The following TAFA1 variants were observed in gnomAD, a reference collection of about 807,000 sequenced individuals.
The protein encoded by TAFA1 is TAFA chemokine like family member 1.
TAFA1 carries 4 observed loss-of-function variants against 18.5 expected under a neutral mutation model. The observed-to-expected ratio is 0.22, with a 90% CI of 0.11 to 0.49. The LOEUF is 0.49. Ranked by LOEUF, TAFA1 falls within the 20% of genes least tolerant of loss-of-function variation. TAFA1 has a pLI of 0.98. For missense variants in TAFA1, 147 were observed against 169.0 expected, an observed-to-expected ratio of 0.87 and a Z score of 0.72; for synonymous variants, 56 against 55.2, an observed-to-expected ratio of 1.01 and a Z score of -0.06.
At chr3:68,154,245 A>C (rs1239974059) in intron 2 of TAFA1, among the ~76,000 whole-genome samples, 1 of 152,178 alleles carries the variant, frequency 6.6e-6, no homozygotes, top group Admixed American at 6.5e-5. Context: ...AGCATGGCAC[A>C]TCACCTGAAG....
intron 3 of TAFA1, among the ~76,000 whole-genome samples, chr3:68,457,550 A>C (rs971768623): frequency 1.3e-5 from 2 of 152,180 alleles, no homozygotes; most frequent in African/African-American, 4.8e-5. Context: ...GGCCAACTGT[A>C]TATCAACTAC....
chr3:68,130,880 A>G (rs2065527860), intron 2 of TAFA1, among the ~76,000 whole-genome samples: 1 of 152,054 alleles, frequency 6.6e-6, no homozygotes. Context: ...CTCCCTGGCT[A>G]GAGTCTTCTT....
intron 2 of TAFA1, among the ~76,000 whole-genome samples, chr3:68,326,622 T>C (rs994553): frequency 0.2 from 30,522 of 152,022 alleles, 3,336 homozygotes; most frequent in East Asian, 0.38. Flanking sequence ...TATCAGAATT[T>C]GATATTTGAA....
At chr3:68,113,026 A>G (rs2065279263) in intron 2 of TAFA1, among the ~76,000 whole-genome samples, 1 of 152,182 alleles carries the variant, frequency 6.6e-6, no homozygotes, top group South Asian at 2.1e-4. Flanking sequence ...AATGTCGTGT[A>G]TCAGTAACTT....
intron 3 of TAFA1, 56 bp from the exon 4 acceptor site, chr3:68,538,700 A>C (rs2073315926): frequency 1.3e-6 from 2 of 1,588,330 alleles, no homozygotes; most frequent in African/African-American, 2.7e-5. Flanking sequence ...ACACAACGTC[A>C]GTGTTCAGGT....
In TAFA1 at chr3:68,423,702, G is replaced by A. The variant is rs1163113804; in HGVS notation, c.259+6282G>A. Among the ~76,000 whole-genome samples the A allele has an allele frequency of 4.0e-5, 6 of 151,478 alleles. No homozygotes were observed. The East Asian group carries it at 1.2e-3, about 29-fold the overall frequency. ...TCATTGTTTAAGGCATAGTGGGAGTGGTAAAATTTTCGTGCAGTTTTCTCT... is the reference window on the plus strand; with the variant it reads ...TCATTGTTTAAGGCATAGTGGGAGTAGTAAAATTTTCGTGCAGTTTTCTCT... On this transcript the variant is annotated intron_variant, in intron 3 of 4. Transcript: ENST00000478136.
At chr3:68,178,984 T>C (rs986775643) in intron 2 of TAFA1, among the ~76,000 whole-genome samples, 1 of 152,178 alleles carries the variant, frequency 6.6e-6, no homozygotes, top group Non-Finnish European at 1.5e-5. Flanking sequence ...GTGAATTCTG[T>C]GATAAACTCG....
intron 2 of TAFA1, among the ~76,000 whole-genome samples, chr3:68,300,547 T>C (rs1331486074): frequency 6.6e-6 from 1 of 152,180 alleles, no homozygotes; most frequent in East Asian, 1.9e-4. Flanking sequence ...AATGCTGGAA[T>C]GAAGTTATAC....
At chr3:68,277,642 A>G (rs973252330) in intron 2 of TAFA1, among the ~76,000 whole-genome samples, 6 of 152,206 alleles carry the variant, frequency 3.9e-5, no homozygotes, top group Non-Finnish European at 7.4e-5. Context: ...TAGAAAAAAT[A>G]GAACAAACTT....
At chr3:68,235,664 CAAGTATG>C (rs1362575862) in intron 2 of TAFA1, among the ~76,000 whole-genome samples, 22 of 152,156 alleles carry the variant, frequency 1.4e-4, no homozygotes, top group African/African-American at 5.1e-4. Flanking sequence ...CTCTGTAGAT[CAAGTATG>C]GCTGGCCAAT....
rs182356739 is a variant in TAFA1 at position 68,538,503 on chromosome 3, T to C, written c.260-253T>C. Among the ~76,000 whole-genome samples the C allele has an allele frequency of 7.4e-4, 112 of 152,322 alleles. 1 individual carries two copies. The South Asian group carries it at 0.016, about 22-fold the overall frequency. Reference sequence around the variant, plus strand: ...CTATGTTAGGTTTCTCTTACTGTCATAATTTTGAAAAGGCAGTCTCAATCC... The same window carrying C: ...CTATGTTAGGTTTCTCTTACTGTCACAATTTTGAAAAGGCAGTCTCAATCC... On this transcript the variant is annotated intron_variant, in intron 3 of 4. Transcript: ENST00000478136.
At chr3:68,221,810 T>G (rs2066734286) in intron 2 of TAFA1, among the ~76,000 whole-genome samples, 1 of 152,222 alleles carries the variant, frequency 6.6e-6, no homozygotes, top group South Asian at 2.1e-4. Flanking sequence ...ATTGTGCTAT[T>G]TGATTCTTTT....
intron 2 of TAFA1, among the ~76,000 whole-genome samples, chr3:68,284,992 G>A (rs1388586701): frequency 1.3e-5 from 2 of 152,144 alleles, no homozygotes; most frequent in African/African-American, 2.4e-5. Context: ...GGAGGCTGAG[G>A]TGGGAGGATC....
At position 68,314,483 on chromosome 3, in the gene TAFA1, A is replaced by G. The variant is rs535565400; in HGVS notation, c.119-102797A>G. On this transcript the variant is annotated intron_variant, in intron 2 of 4. Transcript: ENST00000478136. ...TTAATGTTCCACAGATTGTTGTCAA[A>G]TATACATCATTAGATAAGATAAAAA... Among the ~76,000 whole-genome samples, 187 of 152,326 alleles carry G rather than the reference A, an allele frequency of 1.2e-3. 9 individuals are homozygous for G. In the South Asian group the frequency reaches 0.037, roughly 30 times the overall value.
intron 2 of TAFA1, among the ~76,000 whole-genome samples, chr3:68,155,450 G>T (rs2065856776): frequency 6.6e-6 from 1 of 152,120 alleles, no homozygotes; most frequent in Admixed American, 6.6e-5. Context: ...ACAGATGAGG[G>T]TATGGAAGTT....
intron 2 of TAFA1, among the ~76,000 whole-genome samples, chr3:68,151,552 A>G (rs927899737): frequency 2.0e-5 from 3 of 152,278 alleles, no homozygotes; most frequent in African/African-American, 7.2e-5. Flanking sequence ...CTTTGTGCTG[A>G]GTCATACCAT....
chr3:68,107,974 CCTGGTGATTCAATG>C (rs2065222500), intron 2 of TAFA1, among the ~76,000 whole-genome samples: 1 of 151,972 alleles, frequency 6.6e-6, no homozygotes, highest in South Asian at 2.1e-4. Flanking sequence ...CATGCCAAAC[CCTGGTGATTCAATG>C]CTATAACGTA....
intron 3 of TAFA1, among the ~76,000 whole-genome samples, chr3:68,439,868 C>A (rs186163430): frequency 1.4e-4 from 21 of 152,140 alleles, no homozygotes; most frequent in Admixed American, 7.2e-4. Flanking sequence ...ATATACAACT[C>A]CTGAGATCAT....
At chr3:68,031,194 A>G (rs1443772170) in intron 2 of TAFA1, among the ~76,000 whole-genome samples, 1 of 152,212 alleles carries the variant, frequency 6.6e-6, no homozygotes, top group Non-Finnish European at 1.5e-5. Flanking sequence ...TTGAGTCGAT[A>G]ATGTTTTAAT....
Sources: allele counts gnomAD v4.1 joint callset (sites outside exome capture counted in the v4.1 genomes callset), GRCh38; gene constraint gnomAD v4.1.1; transcripts MANE v1.5; gene names NCBI Gene and HGNC (gene_info 2026-07-23, HGNC 2026-07-21).